The following ARHGAP23 variants were observed in gnomAD, a reference collection of about 807,000 sequenced individuals.
ARHGAP23 encodes the protein Rho GTPase activating protein 23, also known as rho GTPase-activating protein 23.
In ARHGAP23, 34 loss-of-function variants were observed where a neutral mutation model predicts 136.3. The observed-to-expected ratio is 0.25, with a 90% CI of 0.19 to 0.33. The LOEUF (loss-of-function observed/expected upper bound fraction) is 0.33, where lower values mean the gene tolerates loss of function less well. Among genes scored for constraint, ARHGAP23 ranks in the 10% least tolerant of loss-of-function variants. The pLI, the probability that ARHGAP23 is intolerant of heterozygous loss-of-function variation, is 1.00. For synonymous variants in ARHGAP23, 832 were observed against 920.5 expected, an observed-to-expected ratio of 0.90 and a Z score of 1.74; for missense variants, 1,808 against 2,139.0, an observed-to-expected ratio of 0.85 and a Z score of 3.05.
intron 1 of ARHGAP23, among the ~76,000 whole-genome samples, chr17:38,433,103 C>G (rs990021455): frequency 6.6e-6 from 1 of 152,110 alleles, no homozygotes; most frequent in Non-Finnish European, 1.5e-5. Context: ...CAGGTGCATG[C>G]CACCATGCCC....
intron 1 of ARHGAP23, among the ~76,000 whole-genome samples, chr17:38,456,966 A>G (rs2039339998): frequency 6.6e-6 from 1 of 151,964 alleles, no homozygotes; most frequent in Admixed American, 6.5e-5. Context: ...CTGGAGTGCA[A>G]TGGTGCGCTC....
Position 38,510,305 on chromosome 17 carries a change from G to C in ARHGAP23, c.3809G>C (p.Gly1270Ala). The change falls in exon 24 of 24, where the codon GGG (glycine) becomes GCG (alanine). Residue 1270 changes from glycine to alanine, a missense_variant. Coordinates refer to ENST00000622683, the MANE Select transcript of ARHGAP23 (RefSeq NM_001199417.2). The surrounding 1 kb of genome is among the most constrained non-coding windows in gnomAD (Gnocchi z 4.6). ...TCGGGCGCTAGCGGTCGGCGGGCAG[G>C]GGCGGGGGATGAGGCGGACGACGAG... ...VCSGASGRRA[G>A]AGDEADDERS... The C allele has an allele frequency of 7.8e-7, 1 of 1,281,886 alleles. No homozygotes were observed. Among genetic ancestry groups the C allele is most frequent in the Non-Finnish European group, 9.9e-7 (1 of 1,015,184 alleles). 79.4% of individuals were successfully genotyped at this position (1,281,886 alleles called of 1,614,324 possible).
At position 38,510,985 on chromosome 17, in the gene ARHGAP23, GCGC is replaced by G. The variant is rs1490830750; in HGVS notation, c.*17_*19del. 1.4e-6 allele frequency: 2 copies of G among 1,413,226 alleles called. No individual in the cohort carries two copies. Among genetic ancestry groups the G allele is most frequent in the African/African-American group, 3.0e-5 (2 of 65,856 alleles). 87.5% of individuals were successfully genotyped at this position (1,413,226 alleles called of 1,614,324 possible). On this transcript the variant is annotated 3_prime_UTR_variant, in exon 24 of 24. Coordinates refer to ENST00000622683, the MANE Select transcript of ARHGAP23 (RefSeq NM_001199417.2). The surrounding 1 kb of genome is among the most constrained non-coding windows in gnomAD (Gnocchi z 4.6). Reference sequence around the variant, plus strand: ...TCAGTGTCTGTGATCCCCACCTCCCGCGCCGCTCGGGCGCCACCCCTCCCTAGA... The same window carrying G: ...TCAGTGTCTGTGATCCCCACCTCCCGCGCTCGGGCGCCACCCCTCCCTAGA...
At chr17:38,432,084 A>G (rs781217874) in intron 1 of ARHGAP23, among the ~76,000 whole-genome samples, 32 of 152,330 alleles carry the variant, frequency 2.1e-4, no homozygotes, top group East Asian at 3.9e-4. Context: ...AGGGCGCCCC[A>G]TGCCCAGCTC....
chr17:38,455,308 T>C (rs557522369), intron 1 of ARHGAP23, among the ~76,000 whole-genome samples: 1 of 152,264 alleles, frequency 6.6e-6, no homozygotes, highest in African/African-American at 2.4e-5. Context: ...GTGTGGTAGC[T>C]GTGGCTGTGT....
At chr17:38,422,827 G>A (rs1279294678) in intron 1 of ARHGAP23, among the ~76,000 whole-genome samples, 1 of 152,182 alleles carries the variant, frequency 6.6e-6, no homozygotes, top group Non-Finnish European at 1.5e-5. Context: ...AGGGATGAGT[G>A]GGAACTGGCA....
At chr17:38,486,802 A>G (rs552325353) in intron 17 of ARHGAP23, among the ~76,000 whole-genome samples, 1 of 152,348 alleles carries the variant, frequency 6.6e-6, no homozygotes, top group East Asian at 1.9e-4. Context: ...CACAGGTTGT[A>G]AATGGCAGAG....
intron 12 of ARHGAP23, among the ~76,000 whole-genome samples, chr17:38,478,310 C>T (rs2039946976): frequency 6.6e-6 from 1 of 152,184 alleles, no homozygotes. Flanking sequence ...GCTGGCCTGT[C>T]TGCAGAAGGA....
intron 11 of ARHGAP23, among the ~76,000 whole-genome samples, chr17:38,476,868 C>T (rs180861604): frequency 6.6e-6 from 1 of 152,134 alleles, no homozygotes. Flanking sequence ...CCCGTGGGGA[C>T]TAGTCTCCTG....
At chr17:38,455,594 C>A (rs1352221644) in intron 1 of ARHGAP23, among the ~76,000 whole-genome samples, 1 of 152,192 alleles carries the variant, frequency 6.6e-6, no homozygotes, top group Non-Finnish European at 1.5e-5. Context: ...CTTCTCGTCA[C>A]TGGGGCAGCT....
chr17:38,491,718 T>C, intron 20 of ARHGAP23, 186 bp downstream of exon 20: 5 of 764,136 alleles, frequency 6.5e-6, no homozygotes, highest in Non-Finnish European at 1.0e-5. Context: ...AAGGCAGGAA[T>C]GGATCCTGGA....
intron 1 of ARHGAP23, among the ~76,000 whole-genome samples, chr17:38,444,880 T>C (rs10445315): frequency 0.75 from 113,259 of 151,256 alleles, 43,027 homozygotes; most frequent in African/African-American, 0.87. Context: ...TGCAATGGCG[T>C]GATCTCGGCT....
chr17:38,429,865 G>A (rs1434285057), intron 1 of ARHGAP23, among the ~76,000 whole-genome samples: 1 of 152,126 alleles, frequency 6.6e-6, no homozygotes, highest in South Asian at 2.1e-4. Context: ...ATCCCATGTG[G>A]TTCTCCCCTC....
chr17:38,428,656 C>T (rs2038615467), intron 1 of ARHGAP23, 108 bp downstream of exon 1: 9 of 731,132 alleles, frequency 1.2e-5, no homozygotes, highest in Non-Finnish European at 1.7e-5. Flanking sequence ...CTGGGGCGCA[C>T]GGTGGGCGCG....
intron 1 of ARHGAP23, among the ~76,000 whole-genome samples, chr17:38,440,304 G>A (rs1375783853): frequency 6.6e-6 from 1 of 152,292 alleles, no homozygotes; most frequent in Middle Eastern, 3.4e-3. Context: ...CAGGCATGAG[G>A]CACTATGCCC....
At chr17:38,500,394 G>A (rs922381398) in intron 22 of ARHGAP23, 3 of 587,140 alleles carry the variant, frequency 5.1e-6, no homozygotes, top group Non-Finnish European at 6.1e-6. Context: ...TAGAGGAAGT[G>A]GCAGTTAACA....
rs2039368426 is a variant in ARHGAP23, at chr17:38,457,998, C to T, written c.64-104C>T. The T allele has an allele frequency of 1.1e-5, 15 of 1,394,530 alleles. No individual in the cohort carries two copies. The Admixed American group carries it at 2.6e-4, about 24-fold the overall frequency. 86.4% of individuals were successfully genotyped at this position (1,394,530 alleles called of 1,614,324 possible). ...TGCCTGGCAACCCTAGGGCGAAAGA[C>T]CCCTTCTGGTGCCCCTCCGGTCCTG... On this transcript the variant is annotated intron_variant, in intron 1 of 23. Transcript: ENST00000622683.
intron 1 of ARHGAP23, among the ~76,000 whole-genome samples, chr17:38,453,240 T>C (rs962805720): frequency 4.0e-5 from 6 of 150,258 alleles, no homozygotes; most frequent in Non-Finnish European, 8.9e-5. Context: ...GTGTCCTGTG[T>C]GTGTGGGGGG....
upstream of ARHGAP23, among the ~76,000 whole-genome samples, chr17:38,424,343 G>C (rs757250856): frequency 6.6e-6 from 1 of 152,104 alleles, no homozygotes; most frequent in Non-Finnish European, 1.5e-5. Context: ...ACACCCACCT[G>C]TGCTGCCTGC....
Sources: gnomAD v4.1 joint callset for allele counts (sites outside exome capture counted in the v4.1 genomes callset) on GRCh38, gnomAD v4.1.1 for gene constraint, Gnocchi (gnomAD v3.1) non-coding constraint, MANE v1.5 for transcripts, NCBI Gene and HGNC (gene_info 2026-07-23, HGNC 2026-07-21) for gene names.